FAM133A: variants seen among roughly 807,000 people sequenced by gnomAD.
The protein encoded by FAM133A is family with sequence similarity 133 member A.
For missense variants in FAM133A, 159 were observed against 164.4 expected, an observed-to-expected ratio of 0.97 and a Z score of 0.18; for synonymous variants, 65 against 58.6, an observed-to-expected ratio of 1.11 and a Z score of -0.50.
chrX:93,707,123 G>GT (rs1927090631), intron 3 of FAM133A, among the ~76,000 whole-genome samples: 1 of 112,095 alleles, frequency 8.9e-6, no homozygotes. Context: ...TTATTCTATT[G>GT]TAAGTGTCAA....
intron 2 of FAM133A, among the ~76,000 whole-genome samples, chrX:93,691,667 G>A (rs1246180222): frequency 9.0e-6 from 1 of 111,705 alleles, no homozygotes; most frequent in East Asian, 2.8e-4. Context: ...GTCAGTTTTA[G>A]ATCAACTTGT....
At chrX:93,695,626 G>A (rs1253719342) in intron 2 of FAM133A, among the ~76,000 whole-genome samples, 2 of 99,086 alleles carry the variant, frequency 2.0e-5, no homozygotes, top group Non-Finnish European at 4.0e-5. Flanking sequence ...ATGAAACACA[G>A]GAATCTGCTT....
intron 2 of FAM133A, among the ~76,000 whole-genome samples, chrX:93,681,253 G>A (rs556374203): frequency 2.8e-5 from 3 of 108,384 alleles, no homozygotes; most frequent in East Asian, 5.7e-4. Flanking sequence ...TGATATATAT[G>A]TATATATCTT....
chrX:93,694,516 G>C lies in FAM133A; in HGVS notation c.-192-3881G>C, dbSNP rs775858170. ...AGATAATTCAATTTGGAAACACCCAGAGTTTTGGTTGAGTCTGAAGGAGAC... is the reference window on the plus strand; with the variant it reads ...AGATAATTCAATTTGGAAACACCCACAGTTTTGGTTGAGTCTGAAGGAGAC... On this transcript the variant is annotated intron_variant, in intron 2 of 3. Transcript: ENST00000683942. Among the ~76,000 whole-genome samples the C allele has an allele frequency of 4.9e-4, 55 of 111,609 alleles. No homozygotes were observed. The Admixed American group carries it at 5.2e-3, about 11-fold the overall frequency.
chrX:93,673,735 A>G (rs1022996442), upstream of FAM133A, among the ~76,000 whole-genome samples: 3 of 110,020 alleles, frequency 2.7e-5, no homozygotes, highest in Non-Finnish European at 5.7e-5. Flanking sequence ...GCCAAACGCC[A>G]CTACTCCTGG....
chrX:93,707,953 C>T (rs767707097), intron 3 of FAM133A, among the ~76,000 whole-genome samples: 64 of 111,672 alleles, frequency 5.7e-4, no homozygotes, highest in African/African-American at 1.7e-3. Flanking sequence ...ACATGTATAA[C>T]GCAATAATCA....
intron 2 of FAM133A, among the ~76,000 whole-genome samples, chrX:93,681,593 TAAAC>T (rs1428869688): frequency 1.8e-5 from 2 of 111,725 alleles, no homozygotes; most frequent in African/African-American, 6.5e-5. Flanking sequence ...AAGAAGTGAG[TAAAC>T]AAACAAGATG....
At chrX:93,683,078 T>C (rs1043927957) in intron 2 of FAM133A, among the ~76,000 whole-genome samples, 2 of 112,144 alleles carry the variant, frequency 1.8e-5, no homozygotes, top group African/African-American at 6.5e-5. Flanking sequence ...TTTTAAAGAA[T>C]TGGTGTTTTA....
chrX:93,688,048 T>C (rs1014888912), intron 2 of FAM133A, among the ~76,000 whole-genome samples: 5 of 111,583 alleles, frequency 4.5e-5, no homozygotes, highest in African/African-American at 1.3e-4. Flanking sequence ...CATTCATCTG[T>C]TGATGGACAT....
chrX:93,701,540 G>C (rs1047633733), intron 3 of FAM133A, among the ~76,000 whole-genome samples: 3 of 111,350 alleles, frequency 2.7e-5, no homozygotes, highest in African/African-American at 9.8e-5. Context: ...AAATAGAGGG[G>C]CTGGAATTTT....
chrX:93,699,552 C>T (rs765170717), intron 3 of FAM133A, among the ~76,000 whole-genome samples: 4 of 111,354 alleles, frequency 3.6e-5, no homozygotes, highest in South Asian at 3.8e-4. Context: ...TATCCTCCAG[C>T]GGCTTTCTTT....
chrX:93,706,091 A>G (rs905095131), intron 3 of FAM133A, among the ~76,000 whole-genome samples: 1 of 112,398 alleles, frequency 8.9e-6, no homozygotes, highest in Admixed American at 9.5e-5. Flanking sequence ...CTTGATAGCT[A>G]AGTATAATGG....
intron 3 of FAM133A, among the ~76,000 whole-genome samples, chrX:93,698,969 C>G (rs1020206493): frequency 9.1e-6 from 1 of 110,463 alleles, no homozygotes; most frequent in Non-Finnish European, 1.9e-5. Flanking sequence ...CTAACTTTTT[C>G]AAGGACATCA....
chrX:93,674,511 T>G (rs1924525897), intron 1 of FAM133A, among the ~76,000 whole-genome samples, 170 bp from the exon 2 acceptor site: 1 of 111,669 alleles, frequency 9.0e-6, no homozygotes, highest in Non-Finnish European at 1.9e-5. Flanking sequence ...GAATTTGTGC[T>G]AATGAATGTG....
At chrX:93,709,014 G>A (rs1383900079) in intron 3 of FAM133A, among the ~76,000 whole-genome samples, 1 of 111,420 alleles carries the variant, frequency 9.0e-6, no homozygotes, top group Non-Finnish European at 1.9e-5. Flanking sequence ...TATAAAGCAG[G>A]AATGAAAGAA....
intron 2 of FAM133A, among the ~76,000 whole-genome samples, chrX:93,695,871 C>G (rs891105989): frequency 2.8e-5 from 3 of 106,186 alleles, no homozygotes. Context: ...GTCTCGATCT[C>G]CTGACCTTGT....
intron 2 of FAM133A, among the ~76,000 whole-genome samples, chrX:93,692,700 A>T (rs2147621287): frequency 9.0e-6 from 1 of 111,567 alleles, no homozygotes; most frequent in Non-Finnish European, 1.9e-5. Context: ...ATGTGCTGCT[A>T]TTGAACCATT....
intron 3 of FAM133A, among the ~76,000 whole-genome samples, chrX:93,705,211 A>T (rs1435545780): frequency 8.9e-6 from 1 of 111,997 alleles, no homozygotes; most frequent in Non-Finnish European, 1.9e-5. Context: ...GAATCAATGA[A>T]CAAATATTAT....
At chrX:93,703,079 C>G (rs1209855721) in intron 3 of FAM133A, among the ~76,000 whole-genome samples, 1 of 111,021 alleles carries the variant, frequency 9.0e-6, no homozygotes, top group Admixed American at 9.6e-5. Context: ...GTCTCAGCTA[C>G]TCAGGAGGCT....
Sources: gnomAD v4.1 joint callset for allele counts (sites outside exome capture counted in the v4.1 genomes callset) on GRCh38, gnomAD v4.1.1 for gene constraint, MANE v1.5 for transcripts, NCBI Gene and HGNC (gene_info 2026-07-23, HGNC 2026-07-21) for gene names.